PEX14: variants seen among roughly 807,000 people sequenced by gnomAD.
The protein encoded by PEX14 is peroxisomal biogenesis factor 14.
PEX14 carries 15 observed loss-of-function variants against 49.5 expected under a neutral mutation model. The observed-to-expected ratio is 0.30, with a 90% CI of 0.20 to 0.47. The LOEUF is 0.47. Ranked by LOEUF, PEX14 falls within the 20% of genes least tolerant of loss-of-function variation. PEX14 has a pLI of 1.00. For synonymous variants in PEX14, 210 were observed against 212.7 expected (o/e 0.99, Z 0.11); for missense variants, 398 against 494.8 (o/e 0.80, Z 1.86).
chr1:10,519,133 C>T (rs997309226), intron 2 of PEX14, among the ~76,000 whole-genome samples: 1 of 152,094 alleles, frequency 6.6e-6, no homozygotes, highest in African/African-American at 2.4e-5. Context: ...AGCACACCAC[C>T]GAGTAGAGGG....
At chr1:10,557,896 G>A (rs1052936953) in intron 3 of PEX14, among the ~76,000 whole-genome samples, 2 of 148,830 alleles carry the variant, frequency 1.3e-5, no homozygotes, top group East Asian at 2.0e-4. Flanking sequence ...TGCTAGTTGC[G>A]TAACAGGGAA....
At chr1:10,598,274 A>C (rs1461048003) in intron 3 of PEX14, among the ~76,000 whole-genome samples, 1 of 152,056 alleles carries the variant, frequency 6.6e-6, no homozygotes, top group African/African-American at 2.4e-5. Context: ...CTACTTCCTG[A>C]GCTGGCCCCG....
At chr1:10,583,474 A>C (rs1379556340) in intron 3 of PEX14, among the ~76,000 whole-genome samples, 1 of 148,982 alleles carries the variant, frequency 6.7e-6, no homozygotes, top group African/African-American at 2.5e-5. Flanking sequence ...CTCCTGCCTC[A>C]GCCTCCCAAA....
intron 2 of PEX14, chr1:10,524,318 C>T (rs1638398880): frequency 4.9e-6 from 1 of 202,582 alleles, no homozygotes. Context: ...ACCTTATGAA[C>T]AGTATGTGAA....
chr1:10,587,920 T>TTTTAAAA lies in PEX14; in HGVS notation c.170-11318_170-11317insTTTAAAA, dbSNP rs1453146872. Among the ~76,000 whole-genome samples, 106 of 64,080 alleles carry TTTTAAAA rather than the reference T, an allele frequency of 1.7e-3. 1 individual carries two copies. Among genetic ancestry groups the TTTTAAAA allele is most frequent in the African/African-American group, 5.5e-3 (82 of 14,978 alleles). The allele number at this position is 64,080 out of a possible 152,430, so 42.0% of individuals were successfully genotyped here. A position where few individuals can be genotyped will look rare whatever the true frequency, so the allele number is the denominator to read the frequency against. On this transcript the variant is annotated intron_variant, in intron 3 of 8. Coordinates refer to ENST00000356607, the MANE Select transcript of PEX14 (RefSeq NM_004565.3). ...CTTTTTTTTTTTTTTTTTTTTTTTTTAAAAAAAAAAGAGATGGAGTCTTGG... is the reference window on the plus strand; with the variant it reads ...CTTTTTTTTTTTTTTTTTTTTTTTTTTTTAAAAAAAAAAAAAAGAGATGGAGTCTTGG...
chr1:10,537,817 T>A (rs1025938535), intron 3 of PEX14, among the ~76,000 whole-genome samples: 4 of 152,060 alleles, frequency 2.6e-5, no homozygotes, highest in Non-Finnish European at 5.9e-5. Context: ...CTAATCTGTT[T>A]AATTTTAATA....
chr1:10,511,851 C>T (rs1570179098), intron 2 of PEX14, among the ~76,000 whole-genome samples: 1 of 152,170 alleles, frequency 6.6e-6, no homozygotes, highest in African/African-American at 2.4e-5. Flanking sequence ...ACCTCATCAA[C>T]ACGTGTATTG....
At chr1:10,516,170 G>A (rs1214499665) in intron 2 of PEX14, among the ~76,000 whole-genome samples, 2 of 152,178 alleles carry the variant, frequency 1.3e-5, no homozygotes, top group Admixed American at 6.5e-5. Flanking sequence ...GAAATACCCT[G>A]GGCAGAACTA....
intron 4 of PEX14, among the ~76,000 whole-genome samples, chr1:10,608,488 C>T (rs1379717178): frequency 6.6e-6 from 1 of 151,908 alleles, no homozygotes; most frequent in Admixed American, 6.6e-5. Context: ...ATGGTGAAAC[C>T]CGGTCTCTAC....
In PEX14 at chr1:10,630,102, G is replaced by C; in HGVS notation, c.*115G>C. 1.3e-6 allele frequency: 2 copies of C among 1,513,852 alleles called. No individual in the cohort carries two copies. The highest frequency in any genetic ancestry group is 1.8e-6 in the Non-Finnish European group (2 of 1,125,498). The allele number at this position is 1,513,852 out of a possible 1,614,324, so 93.8% of individuals were successfully genotyped here. A position where few individuals can be genotyped will look rare whatever the true frequency, so the allele number is the denominator to read the frequency against. ...CAGCTTGGAGCCCAGGTAGGGGGCA[G>C]AGCTGTCCTCAGCTGCACTGCGGCC... On this transcript the variant is annotated 3_prime_UTR_variant, in exon 9 of 9. Transcript: ENST00000356607. This position sits in a 1 kb window ranked among gnomAD's most constrained non-coding sequence, Gnocchi z 4.1.
At chr1:10,593,249 G>T (rs1312728045) in intron 3 of PEX14, among the ~76,000 whole-genome samples, 1 of 152,202 alleles carries the variant, frequency 6.6e-6, no homozygotes, top group African/African-American at 2.4e-5. Flanking sequence ...CCAGCTCTCT[G>T]TGTTGAGCTG....
Position 10,613,690 on chromosome 1 carries a change from T to TTGGA in PEX14, c.299-4640_299-4637dup, listed in dbSNP as rs1641335398. Among the ~76,000 whole-genome samples, 2 of 152,172 alleles carry TTGGA rather than the reference T, an allele frequency of 1.3e-5. No homozygotes were observed. Among genetic ancestry groups the TTGGA allele is most frequent in the African/African-American group, 4.8e-5 (2 of 41,442 alleles). On this transcript the variant is annotated intron_variant, in intron 4 of 8. Coordinates refer to ENST00000356607, the MANE Select transcript of PEX14 (RefSeq NM_004565.3). The surrounding 1 kb of genome is among the most constrained non-coding windows in gnomAD (Gnocchi z 5.0). ...GTGAGAGTGAAGATATCGCCTGTTC[T>TTGGA]TGGATTCTTTGGGGCTCACAAAGCC... is the stretch of plus-strand genomic sequence containing the variant.
At position 10,599,359 on chromosome 1, in the gene PEX14, G is replaced by A. The variant is rs1557866374; in HGVS notation, c.291G>A (p.Gln97=). ...VPVQPPHLIS[Q]PYSPAGSRWR... ...TCCAGCCCCCTCACCTCATATCTCA[G>A]CCATACAGTAAGTCACCCGCTCAAA... Residue 97 remains glutamine, a synonymous_variant, in exon 4 of 9, where the codon CAG becomes CAA. Transcript: ENST00000356607. 4 of 1,614,158 alleles carry A rather than the reference G, an allele frequency of 2.5e-6. No individual in the cohort carries two copies. Among genetic ancestry groups the A allele is most frequent in the Admixed American group, 1.7e-5 (1 of 60,012 alleles).
At chr1:10,583,730 G>C (rs866258421) in intron 3 of PEX14, among the ~76,000 whole-genome samples, 2 of 152,078 alleles carry the variant, frequency 1.3e-5, no homozygotes, top group Non-Finnish European at 2.9e-5. Context: ...GGTTTGGAAA[G>C]GCCCCTCTAA....
In PEX14 at chr1:10,613,413, G is replaced by A. The variant is rs948357026; in HGVS notation, c.299-4919G>A. 9.9e-5 allele frequency among the ~76,000 whole-genome samples: 15 copies of A among 152,190 alleles called. No homozygotes were observed. In the East Asian group the frequency reaches 2.7e-3, roughly 27 times the overall value. On this transcript the variant is annotated intron_variant, in intron 4 of 8. Coordinates refer to ENST00000356607, the MANE Select transcript of PEX14 (RefSeq NM_004565.3). The surrounding 1 kb of genome is among the most constrained non-coding windows in gnomAD (Gnocchi z 5.0). ...AGCCGGGCAGAGCTTAAGCTAGTTC[G>A]TGGAGTCCTTGGAAGGTTGGGTTTT... is the stretch of plus-strand genomic sequence containing the variant.
chr1:10,534,093 G>A (rs1638728580), intron 2 of PEX14, among the ~76,000 whole-genome samples: 1 of 152,234 alleles, frequency 6.6e-6, no homozygotes, highest in Non-Finnish European at 1.5e-5. Flanking sequence ...GATAGGAGCT[G>A]TACTACTAGC....
chr1:10,556,938 A>C (rs1015975463), intron 3 of PEX14, among the ~76,000 whole-genome samples: 1 of 152,214 alleles, frequency 6.6e-6, no homozygotes, highest in African/African-American at 2.4e-5. Context: ...CAAATCTGGA[A>C]GCTGAGGTTA....
intron 2 of PEX14, among the ~76,000 whole-genome samples, chr1:10,531,432 C>T (rs1174986776): frequency 1.3e-5 from 2 of 152,152 alleles, no homozygotes; most frequent in Non-Finnish European, 1.5e-5. Context: ...TGTTAAAACT[C>T]GAGTTGGCTT....
At chr1:10,611,781 A>G (rs750541206) in intron 4 of PEX14, among the ~76,000 whole-genome samples, 24 of 152,224 alleles carry the variant, frequency 1.6e-4, no homozygotes, top group Admixed American at 5.2e-4. Flanking sequence ...GGCCATTCGT[A>G]TATCTTTTGT....
Sources: allele counts gnomAD v4.1 joint callset (sites outside exome capture counted in the v4.1 genomes callset), GRCh38; gene constraint gnomAD v4.1.1; non-coding constraint Gnocchi (gnomAD v3.1); transcripts MANE v1.5; gene names NCBI Gene and HGNC (gene_info 2026-07-23, HGNC 2026-07-21).